The following RUSC2 variants were observed in gnomAD, a reference collection of about 807,000 sequenced individuals.
RUSC2 encodes the protein RUN and SH3 domain containing 2.
A neutral mutation model predicts 122.2 loss-of-function variants in RUSC2; 34 were observed. The observed-to-expected ratio is 0.28, with a 90% CI of 0.21 to 0.37. RUSC2 has a LOEUF of 0.37. Among genes scored for constraint, RUSC2 ranks in the 10% least tolerant of loss-of-function variants. The probability of loss-of-function intolerance (pLI) is 1.00; values close to 1 mark genes in which losing one functional copy is unlikely to be tolerated. For synonymous variants in RUSC2, 784 were observed against 790.0 expected (o/e 0.99, Z 0.13); for missense variants, 1,747 against 1,952.4 (o/e 0.89, Z 1.98).
rs2132550840 is a variant in RUSC2 at position 35,546,635 on chromosome 9, G to A, written c.114G>A (p.Gly38=). 6.4e-7 allele frequency: 1 copy of A among 1,567,894 alleles called. No individual in the cohort carries two copies. Residue 38 remains glycine, a synonymous_variant, in exon 2 of 12, where the codon GGG becomes GGA. Transcript: ENST00000361226. The surrounding 1 kb of genome is among the most constrained non-coding windows in gnomAD (Gnocchi z 4.3). ...QCCGGAGGGG[G]STRPNPFCPP... ...GTGGAGGGGCAGGTGGAGGTGGTGG[G>A]AGCACAAGACCTAATCCCTTCTGCC...
At chr9:35,528,510 C>CCTTTTTTT (rs1564254357) in intron 1 of RUSC2, among the ~76,000 whole-genome samples, 1 of 145,406 alleles carries the variant, frequency 6.9e-6, no homozygotes, top group Non-Finnish European at 1.5e-5. Flanking sequence ...GATTTGATAC[C>CCTTTTTTT]TTTTTTTTTT....
intron 2 of RUSC2, among the ~76,000 whole-genome samples, chr9:35,551,425 TG>T (rs1461231472): frequency 6.6e-6 from 1 of 151,256 alleles, no homozygotes; most frequent in African/African-American, 2.4e-5. Flanking sequence ...GTCCTTGGGG[TG>T]GGCATGGGAG....
chr9:35,558,008 G>C lies in RUSC2; in HGVS notation c.3060+18G>C, dbSNP rs1219406624. The C allele has an allele frequency of 2.5e-6, 4 of 1,608,020 alleles. No homozygotes were observed. Among genetic ancestry groups the C allele is most frequent in the Non-Finnish European group, 3.4e-6 (4 of 1,174,442 alleles). On this transcript the variant is annotated intron_variant, in intron 6 of 11. Coordinates refer to ENST00000361226, the MANE Select transcript of RUSC2 (RefSeq NM_014806.5). The surrounding 1 kb of genome is among the most constrained non-coding windows in gnomAD (Gnocchi z 4.3). ...GGGTGAAGGTAGGCAAGGAAATGTG[G>C]AGAGCTGAGCTCTGCCTGCAAGCCC... is the stretch of plus-strand genomic sequence containing the variant.
chr9:35,537,557 T>C (rs1226903308), intron 1 of RUSC2, among the ~76,000 whole-genome samples: 1 of 152,216 alleles, frequency 6.6e-6, no homozygotes, highest in Admixed American at 6.5e-5. Flanking sequence ...TTTGTGTCTT[T>C]GTGTGTTTTT....
At chr9:35,505,653 A>G (rs759868691) in intron 1 of RUSC2, among the ~76,000 whole-genome samples, 11 of 152,210 alleles carry the variant, frequency 7.2e-5, no homozygotes, top group Non-Finnish European at 4.4e-5. Context: ...TATATTGAAA[A>G]TGATTGAAAT....
At chr9:35,537,272 C>G (rs563740676) in intron 1 of RUSC2, among the ~76,000 whole-genome samples, 10 of 152,176 alleles carry the variant, frequency 6.6e-5, no homozygotes, top group Non-Finnish European at 1.5e-4. Flanking sequence ...GGGCCCAGAG[C>G]TCTCATGGTA....
chr9:35,519,089 C>T (rs747613414), intron 1 of RUSC2, among the ~76,000 whole-genome samples: 1 of 152,170 alleles, frequency 6.6e-6, no homozygotes, highest in Non-Finnish European at 1.5e-5. Context: ...TGTTCCCCTT[C>T]GTCTTCCCTG....
chr9:35,546,377 C>T lies in RUSC2; in HGVS notation c.-92-53C>T, dbSNP rs569751118. ...AAAATGATGTAGGGAAGGGCATGCC[C>T]CTGACTTCCAGGGAGGTGACATTAG... On this transcript the variant is annotated intron_variant, in intron 1 of 11. Transcript: ENST00000361226. This position sits in a 1 kb window ranked among gnomAD's most constrained non-coding sequence, Gnocchi z 4.3. The T allele has an allele frequency of 6.0e-5, 29 of 486,406 alleles. No individual in the cohort carries two copies. The highest frequency in any genetic ancestry group is 5.1e-4 in the Middle Eastern group (1 of 1,962). 30.1% of individuals were successfully genotyped at this position (486,406 alleles called of 1,614,324 possible).
At chr9:35,493,596 C>G (rs1432900715) in intron 1 of RUSC2, among the ~76,000 whole-genome samples, 3 of 152,130 alleles carry the variant, frequency 2.0e-5, no homozygotes, top group African/African-American at 7.2e-5. Flanking sequence ...TTTTGCCTCC[C>G]AGTTCAGGTG....
Position 35,555,857 on chromosome 9 carries a change from C to G in RUSC2, c.2657-95C>G, listed in dbSNP as rs970525446. The G allele has an allele frequency of 1.3e-6, 2 of 1,488,660 alleles. No individual in the cohort carries two copies. Among genetic ancestry groups the G allele is most frequent in the African/African-American group, 2.8e-5 (2 of 71,418 alleles). The allele number at this position is 1,488,660 out of a possible 1,614,324, so 92.2% of individuals were successfully genotyped here. ...TCTGTAGATAATATCCACAGATAAT[C>G]TAGTGTTTCATATGGGCCCACTGGG... On this transcript the variant is annotated intron_variant, in intron 3 of 11. Transcript: ENST00000361226. The surrounding 1 kb of genome is among the most constrained non-coding windows in gnomAD (Gnocchi z 4.6).
chr9:35,523,923 C>T (rs1821270685), intron 1 of RUSC2, among the ~76,000 whole-genome samples: 1 of 151,940 alleles, frequency 6.6e-6, no homozygotes, highest in African/African-American at 2.4e-5. Context: ...TTTTAAAATC[C>T]AGGGGTCCAT....
intron 1 of RUSC2, among the ~76,000 whole-genome samples, chr9:35,518,662 T>C (rs1448574752): frequency 6.6e-6 from 1 of 152,162 alleles, no homozygotes; most frequent in African/African-American, 2.4e-5. Flanking sequence ...ATTTCTATCC[T>C]AGTGTGTCAT....
At chr9:35,524,292 C>T (rs1412362959) in intron 1 of RUSC2, among the ~76,000 whole-genome samples, 4 of 152,200 alleles carry the variant, frequency 2.6e-5, no homozygotes, top group Non-Finnish European at 4.4e-5. Flanking sequence ...CAGGGTGTGA[C>T]TCTGCCTCAA....
chr9:35,560,166 C>A lies in RUSC2; in HGVS notation c.3526C>A (p.His1176Asn). The change falls in exon 10 of 12, where the codon CAC (histidine) becomes AAC (asparagine). Residue 1176 changes from histidine (H) to asparagine (N), a missense_variant. His to Asn is a moderately conservative substitution (Grantham distance 68). Transcript: ENST00000361226. ...CTTCAGCCTCGACTTGCTGTTCCAG[C>A]ACCGGCTGCTGCAAAGTGGGCAGCA... ...LPFSLDLLFQ[H>N]RLLQSGQQQR... 6.2e-7 allele frequency: 1 copy of A among 1,607,802 alleles called. No homozygotes were observed. Among genetic ancestry groups the A allele is most frequent in the Non-Finnish European group, 8.5e-7 (1 of 1,179,902 alleles).
At chr9:35,553,464 C>T (rs1470168288) in intron 2 of RUSC2, among the ~76,000 whole-genome samples, 1 of 152,154 alleles carries the variant, frequency 6.6e-6, no homozygotes, top group Admixed American at 6.5e-5. Context: ...GGACAATAAA[C>T]ACATTAAAAG....
intron 4 of RUSC2, 74 bp downstream of exon 4, chr9:35,556,211 T>C (rs758116652): frequency 6.3e-7 from 1 of 1,598,122 alleles, no homozygotes; most frequent in Non-Finnish European, 8.5e-7. Context: ...AAGGGGTCAG[T>C]CCCAAAGGAA....
chr9:35,556,371 A>T lies in RUSC2; in HGVS notation c.2906A>T (p.Glu969Val). Residue 969 changes from glutamate (E) to valine (V), a missense_variant, in exon 5 of 12, where the codon GAG becomes GTG. Glu to Val is a moderately radical substitution (Grantham distance 121). Transcript: ENST00000361226. ...TTCCAGGACCCCTTTTCCTTGACGGAGAAGCCTCCAGCTGAGTTTTGTCTG... is the reference window on the plus strand; with the variant it reads ...TTCCAGGACCCCTTTTCCTTGACGGTGAAGCCTCCAGCTGAGTTTTGTCTG... The part of the protein sequence containing the change: ...PDFQDPFSLT[E>V]KPPAEFCLSP... The T allele has an allele frequency of 6.2e-7, 1 of 1,614,210 alleles. No individual in the cohort carries two copies. Among genetic ancestry groups the T allele is most frequent in the Non-Finnish European group, 8.5e-7 (1 of 1,180,030 alleles).
chr9:35,524,737 C>T (rs1383608207), intron 1 of RUSC2, among the ~76,000 whole-genome samples: 5 of 152,012 alleles, frequency 3.3e-5, no homozygotes, highest in Admixed American at 6.6e-5. Context: ...TTTGGGAGGC[C>T]GAGACGGGTG....
At chr9:35,514,359 T>C (rs1821065686) in intron 1 of RUSC2, among the ~76,000 whole-genome samples, 1 of 152,124 alleles carries the variant, frequency 6.6e-6, no homozygotes, top group Non-Finnish European at 1.5e-5. Flanking sequence ...TCCGAGTTGA[T>C]AGTATGACTA....
Sources: gnomAD v4.1 joint callset for allele counts (sites outside exome capture counted in the v4.1 genomes callset) on GRCh38, gnomAD v4.1.1 for gene constraint, Gnocchi (gnomAD v3.1) non-coding constraint, MANE v1.5 for transcripts, NCBI Gene and HGNC (gene_info 2026-07-23, HGNC 2026-07-21) for gene names.